The following ST18 variants were observed in gnomAD, a reference collection of about 807,000 sequenced individuals.
The protein encoded by ST18 is ST18 C2H2C-type zinc finger transcription factor.
ST18 carries 50 observed loss-of-function variants against 110.0 expected under a neutral mutation model. The observed-to-expected ratio is 0.45, with a 90% confidence interval of 0.36 to 0.58. The LOEUF is 0.58. Among genes scored for constraint, ST18 ranks in the 20% least tolerant of loss-of-function variants. The probability of loss-of-function intolerance (pLI) is 0.00; values close to 1 mark genes in which losing one functional copy is unlikely to be tolerated. For synonymous variants in ST18, 461 were observed against 452.4 expected (o/e 1.02, Z -0.24); for missense variants, 1,306 against 1,280.1 (o/e 1.02, Z -0.31).
At chr8:52,137,046 T>A (rs1474694032) in intron 18 of ST18, among the ~76,000 whole-genome samples, 1 of 152,206 alleles carries the variant, frequency 6.6e-6, no homozygotes, top group Non-Finnish European at 1.5e-5. Context: ...TCCTTTGCAC[T>A]GTTTAATCTC....
At chr8:52,183,305 C>T (rs1482670635) in intron 8 of ST18, among the ~76,000 whole-genome samples, 1 of 152,158 alleles carries the variant, frequency 6.6e-6, no homozygotes, top group African/African-American at 2.4e-5. Context: ...TGAGAAACAC[C>T]TTGCAAAGTA....
intron 15 of ST18, among the ~76,000 whole-genome samples, chr8:52,157,423 A>G (rs1013362008): frequency 6.6e-6 from 1 of 152,110 alleles, no homozygotes; most frequent in African/African-American, 2.4e-5. Context: ...TGAATAACCA[A>G]ATGATAAGGC....
intron 17 of ST18, chr8:52,137,802 A>T (rs751653360): frequency 1.1e-4 from 28 of 262,660 alleles, no homozygotes; most frequent in Non-Finnish European, 2.0e-4. Flanking sequence ...GTTTTAATTC[A>T]TTTGAAAAAT....
In ST18 at chr8:52,116,335, C is replaced by A. The variant is rs1181285989; in HGVS notation, c.2943G>T (p.Glu981Asp). 1 of 1,613,906 alleles carries A rather than the reference C, an allele frequency of 6.2e-7. No homozygotes were observed. The highest frequency in any genetic ancestry group is 2.2e-5 in the East Asian group (1 of 44,878). The stretch of plus-strand genomic sequence containing the variant: ...TGAGAGCTTGGCTTAGACCTGCCAG[C>A]TCTTTCAGCAGACTTTCATTGTTCT... The part of the protein sequence containing the change: ...IEQNNESLLK[E>D]LAGLSQALIS... The change falls in exon 25 of 26, where the codon GAG becomes GAT. Residue 981 changes from glutamate (E) to aspartate (D), a missense_variant. By Grantham distance (45) the Glu-to-Asp change is conservative. Coordinates refer to ENST00000689386, the MANE Select transcript of ST18 (RefSeq NM_001352837.2).
intron 8 of ST18, among the ~76,000 whole-genome samples, chr8:52,186,609 C>T (rs1663828227): frequency 6.6e-6 from 1 of 152,138 alleles, no homozygotes; most frequent in Admixed American, 6.6e-5. Flanking sequence ...AAGGTATGTT[C>T]AATAATATTC....
At chr8:52,319,080 C>A (rs965801029) in intron 2 of ST18, among the ~76,000 whole-genome samples, 1 of 151,910 alleles carries the variant, frequency 6.6e-6, no homozygotes, top group African/African-American at 2.4e-5. Context: ...TACCCCTGAA[C>A]TTAAAATAAA....
intron 2 of ST18, among the ~76,000 whole-genome samples, chr8:52,343,215 C>G (rs181125462): frequency 3.3e-5 from 5 of 152,140 alleles, no homozygotes; most frequent in Non-Finnish European, 7.4e-5. Context: ...AAGTGAATGC[C>G]CTGCGTATGG....
intron 2 of ST18, among the ~76,000 whole-genome samples, chr8:52,335,029 A>C: frequency 6.6e-6 from 1 of 152,156 alleles, no homozygotes; most frequent in African/African-American, 2.4e-5. Flanking sequence ...TTGAAAATTG[A>C]ATTGGAAATT....
Position 52,178,645 on chromosome 8 carries a change from C to CAAAAAAAAAAAAAAAAAAAAAAA in ST18, c.277+1476_277+1477insTTTTTTTTTTTTTTTTTTTTTTT, listed in dbSNP as rs1563897561. On this transcript the variant is annotated intron_variant, in intron 9 of 25. Coordinates refer to ENST00000689386, the MANE Select transcript of ST18 (RefSeq NM_001352837.2). The stretch of plus-strand genomic sequence containing the variant: ...AAAAAAAAAAAAAAAAAAAAAAAAC[C>CAAAAAAAAAAAAAAAAAAAAAAA]ACCAAAAACCAAAATAAAACAAACA... 6.6e-4 allele frequency among the ~76,000 whole-genome samples: 20 copies of CAAAAAAAAAAAAAAAAAAAAAAA among 30,086 alleles called. 1 individual carries two copies. Among genetic ancestry groups the CAAAAAAAAAAAAAAAAAAAAAAA allele is most frequent in the African/African-American group, 8.4e-4 (5 of 5,946 alleles). The allele number at this position is 30,086 out of a possible 152,430, so 19.7% of individuals were successfully genotyped here. A position where few individuals can be genotyped will look rare whatever the true frequency, so the allele number is the denominator to read the frequency against.
At chr8:52,299,402 A>G (rs2095682607) in intron 2 of ST18, among the ~76,000 whole-genome samples, 3 of 151,976 alleles carry the variant, frequency 2.0e-5, no homozygotes, top group Non-Finnish European at 1.5e-5. Flanking sequence ...TAGTTGTTTC[A>G]TTGTGTTCTT....
intron 8 of ST18, among the ~76,000 whole-genome samples, chr8:52,180,547 G>A (rs1331793038): frequency 1.3e-5 from 2 of 151,760 alleles, no homozygotes; most frequent in African/African-American, 2.4e-5. Flanking sequence ...TCCTGAGTAA[G>A]CATATGTTAA....
chr8:52,288,700 T>TAA (rs548531236), intron 2 of ST18, among the ~76,000 whole-genome samples: 8 of 107,072 alleles, frequency 7.5e-5, no homozygotes, highest in East Asian at 2.5e-4. Flanking sequence ...TCTCAAAAAA[T>TAA]AAAAAAAAAA....
intron 17 of ST18, among the ~76,000 whole-genome samples, chr8:52,141,001 A>G (rs909886943): frequency 6.6e-6 from 1 of 152,184 alleles, no homozygotes; most frequent in African/African-American, 2.4e-5. Context: ...AGAAGTTAGA[A>G]GTGACTTCTA....
At chr8:52,288,526 C>G (rs2095504114) in intron 2 of ST18, among the ~76,000 whole-genome samples, 1 of 151,694 alleles carries the variant, frequency 6.6e-6, no homozygotes, top group South Asian at 2.1e-4. Flanking sequence ...AGGGTGAAAT[C>G]CCATCTCTAC....
At chr8:52,144,255 TA>T (rs576978761) in intron 16 of ST18, among the ~76,000 whole-genome samples, 261 of 152,004 alleles carry the variant, frequency 1.7e-3, no homozygotes, top group Non-Finnish European at 2.8e-3. Context: ...GATGAACTAA[TA>T]AAAAAAACTG....
Position 52,165,189 on chromosome 8 carries a change from G to T in ST18, c.1241C>A (p.Thr414Lys). Reference sequence around the variant, plus strand: ...ATGACCCCTTCCTGTGCATCCCGGCGTGGGACACTTGAGCACATTTTCATG... The same window carrying T: ...ATGACCCCTTCCTGTGCATCCCGGCTTGGGACACTTGAGCACATTTTCATG... ...AMHENVLKCP[T>K]PGCTGRGHVN... Residue 414 changes from threonine to lysine, a missense_variant, in exon 12 of 26, where the codon ACG becomes AAG. By Grantham distance (78) the Thr-to-Lys change is moderately conservative. Coordinates refer to ENST00000689386, the MANE Select transcript of ST18 (RefSeq NM_001352837.2). The T allele has an allele frequency of 5.0e-6, 8 of 1,614,162 alleles. No individual in the cohort carries two copies. The highest frequency in any genetic ancestry group is 6.8e-6 in the Non-Finnish European group (8 of 1,180,028).
At chr8:52,301,628 A>G (rs965255672) in intron 2 of ST18, among the ~76,000 whole-genome samples, 5 of 152,236 alleles carry the variant, frequency 3.3e-5, no homozygotes, top group African/African-American at 4.8e-5. Context: ...CACTGGAAAC[A>G]TTTCCAATTA....
At chr8:52,350,987 TG>T (rs1403656733) in intron 2 of ST18, among the ~76,000 whole-genome samples, 24 of 152,286 alleles carry the variant, frequency 1.6e-4, no homozygotes, top group African/African-American at 5.8e-4. Flanking sequence ...CCCAAAGTGC[TG>T]GGATTACAGG....
chr8:52,198,896 A>G (rs12548867), intron 8 of ST18, among the ~76,000 whole-genome samples: 40,827 of 151,930 alleles, frequency 0.27, 7,526 homozygotes, highest in African/African-American at 0.53. Flanking sequence ...CAACACCAGA[A>G]CTACTGACAA....
Sources: allele counts gnomAD v4.1 joint callset (sites outside exome capture counted in the v4.1 genomes callset), GRCh38; gene constraint gnomAD v4.1.1; transcripts MANE v1.5; gene names NCBI Gene and HGNC (gene_info 2026-07-23, HGNC 2026-07-21).